Variants in NREP observed in about 807,000 individuals in gnomAD.
NREP encodes the protein neuronal regeneration related protein.
A neutral mutation model predicts 8.6 loss-of-function variants in NREP; 5 were observed. The ratio of observed to expected loss-of-function variants is 0.58; its 90% confidence interval spans 0.30 to 1.22. NREP has a LOEUF of 1.22. Among genes scored for constraint, NREP ranks in the 50% most tolerant of loss-of-function variants. NREP has a pLI of 0.07. For synonymous variants in NREP, 27 were observed against 28.0 expected, an observed-to-expected ratio of 0.96 and a Z score of 0.11; for missense variants, 86 against 82.5, an observed-to-expected ratio of 1.04 and a Z score of -0.17.
chr5:111,938,391 C>T (rs1026038505), intron 2 of NREP, among the ~76,000 whole-genome samples: 5 of 152,088 alleles, frequency 3.3e-5, no homozygotes, highest in African/African-American at 1.2e-4. Flanking sequence ...CAATTGCATC[C>T]TATTTTTATT....
intron 2 of NREP, among the ~76,000 whole-genome samples, chr5:111,916,694 G>A (rs1273590042): frequency 3.3e-5 from 5 of 152,076 alleles, no homozygotes; most frequent in African/African-American, 1.2e-4. Flanking sequence ...TTCCTCAAAT[G>A]TATCAATTAG....
chr5:111,942,516 C>T (rs1159660680), intron 2 of NREP, among the ~76,000 whole-genome samples: 2 of 151,892 alleles, frequency 1.3e-5, no homozygotes, highest in Non-Finnish European at 1.5e-5. Context: ...GCAGTTTGTG[C>T]TATCAAATAG....
rs1488090926 is a variant in NREP, at chr5:111,730,583, T to C, written c.*338A>G. The C allele has an allele frequency of 5.2e-6, 1 of 193,454 alleles. No individual in the cohort carries two copies. The highest frequency in any genetic ancestry group is 1.0e-5 in the Non-Finnish European group (1 of 95,244). 12.0% of individuals were successfully genotyped at this position (193,454 alleles called of 1,614,324 possible). A position where few individuals can be genotyped will look rare whatever the true frequency, so the allele number is the denominator to read the frequency against. ...CTCTGCAAGAAGCAGTCGGGAGCTG[T>C]GTGAGTGAAAAGGCAGGAGTGGACC... On this transcript the variant is annotated 3_prime_UTR_variant, in exon 4 of 4. Coordinates refer to ENST00000257435, the MANE Select transcript of NREP (RefSeq NM_004772.4).
At chr5:111,759,475 C>CA (rs1178204196), upstream of NREP, among the ~76,000 whole-genome samples, 3 of 150,860 alleles carry the variant, frequency 2.0e-5, no homozygotes, top group East Asian at 5.9e-4. Context: ...TGCCCGGTCT[C>CA]AAACTCCTGG....
chr5:111,955,900 GA>G lies in NREP; in HGVS notation c.135+19373del, dbSNP rs71867801. Among the ~76,000 whole-genome samples, 567 of 105,796 alleles carry G rather than the reference GA, an allele frequency of 5.4e-3. 3 individuals are homozygous for G. Among genetic ancestry groups the G allele is most frequent in the Admixed American group, 8.7e-3 (79 of 9,052 alleles). 69.4% of individuals were successfully genotyped at this position (105,796 alleles called of 152,430 possible). A position where few individuals can be genotyped will look rare whatever the true frequency, so the allele number is the denominator to read the frequency against. ...GAACTAAAAATCTCATTCCTGTAGTGAAAAAAAAAAAAACAAAAACGTTGGG... is the reference window on the plus strand; with the variant it reads ...GAACTAAAAATCTCATTCCTGTAGTGAAAAAAAAAAAACAAAAACGTTGGG... On this transcript the variant is annotated intron_variant, in intron 2 of 3. Coordinates refer to the NREP transcript ENST00000395634.
chr5:111,823,048 A>G (rs923454803), intron 2 of NREP, among the ~76,000 whole-genome samples: 2 of 152,252 alleles, frequency 1.3e-5, no homozygotes, highest in Non-Finnish European at 2.9e-5. Context: ...GGGCATCTGC[A>G]TCTGGCAAGG....
At chr5:111,793,538 T>C (rs1479419876) in intron 2 of NREP, among the ~76,000 whole-genome samples, 1 of 152,186 alleles carries the variant, frequency 6.6e-6, no homozygotes, top group Non-Finnish European at 1.5e-5. Flanking sequence ...ACACCCACAT[T>C]GGTGAGGGTG....
chr5:111,807,655 G>C (rs1752171303), intron 2 of NREP, among the ~76,000 whole-genome samples: 1 of 151,796 alleles, frequency 6.6e-6, no homozygotes, highest in African/African-American at 2.4e-5. Context: ...ACCCTAAAGA[G>C]ACTTAGAAAA....
intron 2 of NREP, among the ~76,000 whole-genome samples, chr5:111,933,317 G>C (rs1410723640): frequency 6.6e-6 from 1 of 152,044 alleles, no homozygotes; most frequent in African/African-American, 2.4e-5. Flanking sequence ...ATTTTCCTTA[G>C]TCAGTATCCT....
upstream of NREP, among the ~76,000 whole-genome samples, chr5:111,761,028 G>A (rs1024692552): frequency 2.0e-5 from 3 of 152,170 alleles, no homozygotes; most frequent in Non-Finnish European, 4.4e-5. Flanking sequence ...CAGGTGAAAG[G>A]TTAGTAGAAA....
At chr5:111,956,109 G>A (rs1328633066) in intron 2 of NREP, among the ~76,000 whole-genome samples, 2 of 152,070 alleles carry the variant, frequency 1.3e-5, no homozygotes, top group African/African-American at 4.8e-5. Flanking sequence ...AACAGTGAGA[G>A]CCTCTACAGA....
rs888979770 is a variant in NREP, at chr5:111,757,153, C to T, written c.-76G>A. The T allele has an allele frequency of 8.3e-5, 81 of 979,134 alleles. No individual in the cohort carries two copies. Among genetic ancestry groups the T allele is most frequent in the Non-Finnish European group, 9.1e-5 (75 of 825,676 alleles). 60.7% of individuals were successfully genotyped at this position (979,134 alleles called of 1,614,324 possible). A position where few individuals can be genotyped will look rare whatever the true frequency, so the allele number is the denominator to read the frequency against. ...ATACTTACAGACAAAAGCCCCGCTCCCTGTTCACTCTCTCTCCTCTCTACA... is the reference window on the plus strand; with the variant it reads ...ATACTTACAGACAAAAGCCCCGCTCTCTGTTCACTCTCTCTCCTCTCTACA... On this transcript the variant is annotated 5_prime_UTR_variant, in exon 1 of 4. Transcript: ENST00000257435.
intron 2 of NREP, among the ~76,000 whole-genome samples, chr5:111,812,774 T>C (rs913249511): frequency 6.6e-6 from 1 of 152,158 alleles, no homozygotes; most frequent in Non-Finnish European, 1.5e-5. Context: ...TATACTGTTA[T>C]CATTAGTTAT....
At chr5:111,964,367 T>TTTTGGGGGGGTTTTC (rs1756567250) in intron 2 of NREP, among the ~76,000 whole-genome samples, 1 of 152,106 alleles carries the variant, frequency 6.6e-6, no homozygotes. Flanking sequence ...TATTCCACTG[T>TTTTGGGGGGGTTTTC]TTTGGGGGGG....
rs1378372356 is a variant in NREP, at chr5:111,809,886, T to C, written c.136-74379A>G. On this transcript the variant is annotated intron_variant, in intron 2 of 3. Transcript: ENST00000395634. ...GGACTTTGGCGTGTGTGTGTGTGTG[T>C]GTGTGTGTGTGTGTGTGTGTGTGTG... 3.3e-5 allele frequency among the ~76,000 whole-genome samples: 5 copies of C among 149,308 alleles called. No individual in the cohort carries two copies. The East Asian group carries it at 7.8e-4, about 23-fold the overall frequency.
intron 2 of NREP, among the ~76,000 whole-genome samples, chr5:111,863,199 A>T (rs1004981848): frequency 6.6e-6 from 1 of 152,110 alleles, no homozygotes; most frequent in African/African-American, 2.4e-5. Context: ...CATGAAAAAC[A>T]TAGAGTAAGA....
chr5:111,825,478 T>A (rs1461391906), intron 2 of NREP, among the ~76,000 whole-genome samples: 1 of 152,152 alleles, frequency 6.6e-6, no homozygotes, highest in Non-Finnish European at 1.5e-5. Flanking sequence ...TAGAATACAC[T>A]AACAAGCAGG....
intron 2 of NREP, among the ~76,000 whole-genome samples, chr5:111,901,810 C>T (rs1178423612): frequency 6.6e-6 from 1 of 151,778 alleles, no homozygotes; most frequent in African/African-American, 2.4e-5. Flanking sequence ...AAGACAAAAA[C>T]AAATGAAAAG....
intron 2 of NREP, among the ~76,000 whole-genome samples, chr5:111,772,789 T>A (rs1448682167): frequency 6.6e-6 from 1 of 152,208 alleles, no homozygotes; most frequent in Non-Finnish European, 1.5e-5. Flanking sequence ...CTGAAGTGTA[T>A]CTTTTCATTA....
Sources: allele counts gnomAD v4.1 joint callset (sites outside exome capture counted in the v4.1 genomes callset), GRCh38; gene constraint gnomAD v4.1.1; transcripts MANE v1.5; gene names NCBI Gene and HGNC (gene_info 2026-07-23, HGNC 2026-07-21).